Variants in PTPN6 observed in about 807,000 individuals in gnomAD.
PTPN6 encodes protein tyrosine phosphatase non-receptor type 6, also known as tyrosine-protein phosphatase non-receptor type 6.
PTPN6 carries 18 observed loss-of-function variants against 81.5 expected under a neutral mutation model. The observed-to-expected ratio is 0.22, with a 90% CI of 0.15 to 0.33. The LOEUF (loss-of-function observed/expected upper bound fraction) is 0.33. Ranked by LOEUF, PTPN6 falls within the 10% of genes least tolerant of loss-of-function variation. The pLI is 1.00. For synonymous variants in PTPN6, 301 were observed against 310.9 expected (o/e 0.97, Z 0.33); for missense variants, 500 against 794.2 (o/e 0.63, Z 4.45).
At chr12:6,946,839 A>G, upstream of PTPN6, 2 of 1,299,296 alleles carry the variant, frequency 1.5e-6, no homozygotes, top group Non-Finnish European at 1.1e-6. Context: ...CGTGAGTGCG[A>G]TCTGCCGCTG....
In PTPN6 at chr12:6,952,997, G is replaced by A. The variant is rs1263412410; in HGVS notation, c.326+820G>A. 6.6e-6 allele frequency: 1 copy of A among 152,220 alleles called. No individual in the cohort carries two copies. The highest frequency in any genetic ancestry group is 1.5e-5 in the Non-Finnish European group (1 of 68,058). The allele number at this position is 152,220 out of a possible 1,614,324, so 9.4% of individuals were successfully genotyped here. ...TGGGCCAAGCCGACTTGCCCTTGCCGTGGATCCCTGCATTCATGGATCGGT... is the reference window on the plus strand; with the variant it reads ...TGGGCCAAGCCGACTTGCCCTTGCCATGGATCCCTGCATTCATGGATCGGT... On this transcript the variant is annotated intron_variant, in intron 3 of 15. Coordinates refer to ENST00000318974, the MANE Select transcript of PTPN6 (RefSeq NM_002831.6). The surrounding 1 kb of genome is among the most constrained non-coding windows in gnomAD (Gnocchi z 8.1).
intron 3 of PTPN6, chr12:6,953,551 C>G (rs1945966275): frequency 6.6e-6 from 1 of 152,240 alleles, no homozygotes; most frequent in Admixed American, 6.5e-5. Context: ...GCCAGTGTCA[C>G]CCCTGAGCCT....
In PTPN6 at chr12:6,957,637, C is replaced by CCCCCCCCCCCAT; in HGVS notation, c.1075-17_1075-16insCCCCCCCCCCAT. On this transcript the variant is annotated splice_polypyrimidine_tract_variant and intron_variant, in intron 9 of 15. Transcript: ENST00000318974. This position sits in a 1 kb window ranked among gnomAD's most constrained non-coding sequence, Gnocchi z 6.5. ...CCCTGCTCTGTGCCTCATCCCCACCCGACCCTCCCTTTCCAGAACAAATGC... is the reference window on the plus strand; with the variant it reads ...CCCTGCTCTGTGCCTCATCCCCACCCCCCCCCCCCCATGACCCTCCCTTTCCAGAACAAATGC... The CCCCCCCCCCCAT allele has an allele frequency of 1.3e-6, 2 of 1,532,806 alleles. No homozygotes were observed. Among genetic ancestry groups the CCCCCCCCCCCAT allele is most frequent in the Non-Finnish European group, 1.8e-6 (2 of 1,113,834 alleles). The allele number at this position is 1,532,806 out of a possible 1,614,324, so 95.0% of individuals were successfully genotyped here. A position where few individuals can be genotyped will look rare whatever the true frequency, so the allele number is the denominator to read the frequency against.
At position 6,960,305 on chromosome 12, in the gene PTPN6, G is replaced by A; in HGVS notation, c.1582-39G>A. The A allele has an allele frequency of 6.2e-7, 1 of 1,609,866 alleles. No homozygotes were observed. The highest frequency in any genetic ancestry group is 8.5e-7 in the Non-Finnish European group (1 of 1,179,144). On this transcript the variant is annotated intron_variant, in intron 13 of 15. Coordinates refer to ENST00000318974, the MANE Select transcript of PTPN6 (RefSeq NM_002831.6). This position sits in a 1 kb window ranked among gnomAD's most constrained non-coding sequence, Gnocchi z 6.1. Reference sequence around the variant, plus strand: ...TGCAGGATGGGTGCCACCTGGCCCTGCTGGGACCACCACCTTCCCACTGTC... The same window carrying A: ...TGCAGGATGGGTGCCACCTGGCCCTACTGGGACCACCACCTTCCCACTGTC...
At chr12:6,946,729 C>G, upstream of PTPN6, 1 of 1,612,334 alleles carries the variant, frequency 6.2e-7, no homozygotes, top group Non-Finnish European at 8.5e-7. Flanking sequence ...CAGAGAGATG[C>G]TGTCCCGTGG....
chr12:6,955,787 G>T lies in PTPN6; in HGVS notation c.844+31G>T. 6.3e-7 allele frequency: 1 copy of T among 1,597,454 alleles called. No individual in the cohort carries two copies. The highest frequency in any genetic ancestry group is 8.6e-7 in the Non-Finnish European group (1 of 1,165,358). The stretch of plus-strand genomic sequence containing the variant: ...CACCCAGGCTGCCCCATTCACCCAG[G>T]ATACCGCCCCTGCCCCAGCTGCCTC... On this transcript the variant is annotated intron_variant, in intron 7 of 15. Coordinates refer to ENST00000318974, the MANE Select transcript of PTPN6 (RefSeq NM_002831.6). This position sits in a 1 kb window ranked among gnomAD's most constrained non-coding sequence, Gnocchi z 7.2.
chr12:6,955,454 C>T lies in PTPN6; in HGVS notation c.716C>T (p.Thr239Ile). Residue 239 changes from threonine to isoleucine, a missense_variant, in exon 6 of 16, where the codon ACA becomes ATA. Physicochemically the swap from Thr to Ile is moderately conservative, Grantham distance 89. This residue lies in a region of PTPN6 where 96 missense variants were observed against 137.3 expected (regional missense o/e 0.70). Coordinates refer to ENST00000318974, the MANE Select transcript of PTPN6 (RefSeq NM_002831.6). The surrounding 1 kb of genome is among the most constrained non-coding windows in gnomAD (Gnocchi z 7.2). ...ELNKKQESEDTAKAGFWEEFE... is the reference protein window; with the variant it reads ...ELNKKQESEDIAKAGFWEEFE... ...AACAAGAAGCAGGAGTCCGAGGATA[C>T]AGCCAAGGCTGGCTTCTGGGAGGAG... 3 of 1,614,092 alleles carry T rather than the reference C, an allele frequency of 1.9e-6. No individual in the cohort carries two copies. The highest frequency in any genetic ancestry group is 1.7e-5 in the Admixed American group (1 of 60,028).
chr12:6,956,684 G>C lies in PTPN6; in HGVS notation c.1074+116G>C, dbSNP rs782064063. 7.2e-7 allele frequency: 1 copy of C among 1,387,166 alleles called. No individual in the cohort carries two copies. Among genetic ancestry groups the C allele is most frequent in the South Asian group, 1.2e-5 (1 of 82,262 alleles). The allele number at this position is 1,387,166 out of a possible 1,614,324, so 85.9% of individuals were successfully genotyped here. A position where few individuals can be genotyped will look rare whatever the true frequency, so the allele number is the denominator to read the frequency against. ...TCTCAGGGGTGAGGGTCCGGCCCTT[G>C]TTGGGAAACTGAGGGCTAGTGACAA... On this transcript the variant is annotated intron_variant, in intron 9 of 15. Coordinates refer to ENST00000318974, the MANE Select transcript of PTPN6 (RefSeq NM_002831.6). This position sits in a 1 kb window ranked among gnomAD's most constrained non-coding sequence, Gnocchi z 4.1.
Position 6,954,293 on chromosome 12 carries a change from G to A in PTPN6, c.327-512G>A, listed in dbSNP as rs954940610. ...CCACCACTCCCTGTGGTGTGGCCTC[G>A]GTCTGCGTTTCTCTTTGCCTCTGGT... is the stretch of plus-strand genomic sequence containing the variant. On this transcript the variant is annotated intron_variant, in intron 3 of 15. Coordinates refer to ENST00000318974, the MANE Select transcript of PTPN6 (RefSeq NM_002831.6). The surrounding 1 kb of genome is among the most constrained non-coding windows in gnomAD (Gnocchi z 5.4). Among the ~76,000 whole-genome samples, 3 of 151,956 alleles carry A rather than the reference G, an allele frequency of 2.0e-5. No individual in the cohort carries two copies. The highest frequency in any genetic ancestry group is 3.8e-4 in the East Asian group (2 of 5,200).
chr12:6,946,622 G>A, upstream of PTPN6: 3 of 914,592 alleles, frequency 3.3e-6, no homozygotes, highest in Non-Finnish European at 5.3e-6. Flanking sequence ...TGATTACTGA[G>A]CGGTTCTTCC....
chr12:6,955,149 A>G lies in PTPN6; in HGVS notation c.517-2A>G. The G allele has an allele frequency of 6.2e-7, 1 of 1,614,148 alleles. No individual in the cohort carries two copies. Among genetic ancestry groups the G allele is most frequent in the Non-Finnish European group, 8.5e-7 (1 of 1,179,978 alleles). ...TGAATGGCCTAATTTGGCTCCCCCC[A>G]GGGTGGACGCTACACAGTGGGTGGT... On this transcript the variant is annotated splice_acceptor_variant, in intron 4 of 15. Coordinates refer to ENST00000318974, the MANE Select transcript of PTPN6 (RefSeq NM_002831.6). LOFTEE classifies it high-confidence loss of function. This position sits in a 1 kb window ranked among gnomAD's most constrained non-coding sequence, Gnocchi z 7.2.
In PTPN6 at chr12:6,956,292, G is replaced by A. The variant is rs1424632870; in HGVS notation, c.924+71G>A. 1 of 1,609,360 alleles carries A rather than the reference G, an allele frequency of 6.2e-7. No individual in the cohort carries two copies. Among genetic ancestry groups the A allele is most frequent in the African/African-American group, 1.3e-5 (1 of 74,956 alleles). ...TTCCCTGTCTGGTGGGGGGACCCTA[G>A]ATCCAGAGACAGCTGGGCAAAGCCG... On this transcript the variant is annotated intron_variant, in intron 8 of 15. Coordinates refer to ENST00000318974, the MANE Select transcript of PTPN6 (RefSeq NM_002831.6). This position sits in a 1 kb window ranked among gnomAD's most constrained non-coding sequence, Gnocchi z 4.1.
In PTPN6 at chr12:6,961,175, C is replaced by T; in HGVS notation, c.*75C>T. 1.6e-6 allele frequency: 1 copy of T among 606,496 alleles called. No homozygotes were observed. Among genetic ancestry groups the T allele is most frequent in the Admixed American group, 3.0e-5 (1 of 33,086 alleles). The allele number at this position is 606,496 out of a possible 1,614,324, so 37.6% of individuals were successfully genotyped here. A position where few individuals can be genotyped will look rare whatever the true frequency, so the allele number is the denominator to read the frequency against. Reference sequence around the variant, plus strand: ...ATTTCGCGATGGACAGACTCACAACCTGAACCTAGGAGTGCCCCATTCTTT... The same window carrying T: ...ATTTCGCGATGGACAGACTCACAACTTGAACCTAGGAGTGCCCCATTCTTT... On this transcript the variant is annotated 3_prime_UTR_variant, in exon 16 of 16. Coordinates refer to ENST00000318974, the MANE Select transcript of PTPN6 (RefSeq NM_002831.6).
At position 6,960,282 on chromosome 12, in the gene PTPN6, C is replaced by A; in HGVS notation, c.1581+43C>A. On this transcript the variant is annotated intron_variant, in intron 13 of 15. Coordinates refer to ENST00000318974, the MANE Select transcript of PTPN6 (RefSeq NM_002831.6). This position sits in a 1 kb window ranked among gnomAD's most constrained non-coding sequence, Gnocchi z 6.1. ...CCTGGGGGGGGGGGGGGCTGCAGTG[C>A]AGGATGGGTGCCACCTGGCCCTGCT... 2 of 1,606,388 alleles carry A rather than the reference C, an allele frequency of 1.2e-6. No individual in the cohort carries two copies. Among genetic ancestry groups the A allele is most frequent in the African/African-American group, 2.7e-5 (2 of 73,194 alleles).
rs781988643 is a variant in PTPN6 at position 6,956,261 on chromosome 12, TG to T, written c.924+43del. 9.8e-5 allele frequency: 158 copies of T among 1,611,364 alleles called. No homozygotes were observed. Among genetic ancestry groups the T allele is most frequent in the Non-Finnish European group, 1.3e-4 (151 of 1,177,630 alleles). ...CCACGTGGGAGGAGAGGCTGGGCCC[TG>T]GGAATTCCCTGTCTGGTGGGGGGAC... On this transcript the variant is annotated intron_variant, in intron 8 of 15. Transcript: ENST00000318974. The surrounding 1 kb of genome is among the most constrained non-coding windows in gnomAD (Gnocchi z 4.1).
rs1156433000 is a variant in PTPN6, at chr12:6,960,589, A to C, written c.1673+154A>C. On this transcript the variant is annotated intron_variant, in intron 14 of 15. Transcript: ENST00000318974. This position sits in a 1 kb window ranked among gnomAD's most constrained non-coding sequence, Gnocchi z 6.1. ...CCCTTCTGTTCATAAGCATTTCCTG[A>C]GTGCCCACACGTGTGGGCCTCTGCT... is the stretch of plus-strand genomic sequence containing the variant. The C allele has an allele frequency of 3.1e-5, 45 of 1,448,362 alleles. No individual in the cohort carries two copies. The highest frequency in any genetic ancestry group is 1.7e-4 in the Middle Eastern group (1 of 5,790). The allele number at this position is 1,448,362 out of a possible 1,614,324, so 89.7% of individuals were successfully genotyped here. A position where few individuals can be genotyped will look rare whatever the true frequency, so the allele number is the denominator to read the frequency against.
In PTPN6 at chr12:6,959,920, TC is replaced by T; in HGVS notation, c.1362-3del. On this transcript the variant is annotated splice_region_variant and splice_polypyrimidine_tract_variant and intron_variant, in intron 11 of 15. Transcript: ENST00000318974. The surrounding 1 kb of genome is among the most constrained non-coding windows in gnomAD (Gnocchi z 6.6). Reference sequence around the variant, plus strand: ...TGGCCTCTGATGGCACCCCCGTCTTTCCCCAGCGCCGGCATCGGCCGCACAG... The same window carrying T: ...TGGCCTCTGATGGCACCCCCGTCTTTCCCAGCGCCGGCATCGGCCGCACAG... The T allele has an allele frequency of 6.2e-7, 1 of 1,602,966 alleles. No homozygotes were observed. Among genetic ancestry groups the T allele is most frequent in the South Asian group, 1.1e-5 (1 of 90,794 alleles).
upstream of PTPN6, chr12:6,946,832 G>A: frequency 7.4e-7 from 1 of 1,347,358 alleles, no homozygotes. Flanking sequence ...GTGTGAACGT[G>A]AGTGCGATCT....
chr12:6,946,778 A>G (rs782803939), upstream of PTPN6: 2 of 1,592,972 alleles, frequency 1.3e-6, no homozygotes, highest in Non-Finnish European at 1.7e-6. Context: ...GTCTCCTGTT[A>G]GTTTTGGAGG....
Sources: allele counts gnomAD v4.1 joint callset (sites outside exome capture counted in the v4.1 genomes callset), GRCh38; gene constraint gnomAD v4.1.1; regional missense constraint gnomAD v4.1.1; non-coding constraint Gnocchi (gnomAD v3.1); transcripts MANE v1.5; gene names NCBI Gene and HGNC (gene_info 2026-07-23, HGNC 2026-07-21).